The following PTPRJ variants were observed in gnomAD, a reference collection of about 807,000 sequenced individuals.
PTPRJ encodes protein tyrosine phosphatase receptor type J.
PTPRJ carries 129 observed loss-of-function variants against 141.3 expected under a neutral mutation model. That is an observed-to-expected ratio of 0.91 (90% confidence interval 0.79 to 1.06). PTPRJ has a LOEUF of 1.06. Ranked by LOEUF, PTPRJ falls within the 50% of genes least tolerant of loss-of-function variation. The pLI is 0.00. For missense variants in PTPRJ, 1,601 were observed against 1,679.7 expected, an observed-to-expected ratio of 0.95 and a Z score of 0.82; for synonymous variants, 610 against 640.5, an observed-to-expected ratio of 0.95 and a Z score of 0.72.
Position 48,089,921 on chromosome 11 carries a change from G to A in PTPRJ, c.97-20137G>A, listed in dbSNP as rs567218843. ...TTCATTTCCCCACCTGTAAAATGGG[G>A]GTAATTATCATATACCCCAAAGTGC... On this transcript the variant is annotated intron_variant, in intron 1 of 24. Transcript: ENST00000418331. Among the ~76,000 whole-genome samples the A allele has an allele frequency of 2.0e-5, 3 of 152,210 alleles. No individual in the cohort carries two copies. In the East Asian group the frequency reaches 5.8e-4, roughly 29 times the overall value.
At chr11:48,072,407 G>A (rs1388972597) in intron 1 of PTPRJ, among the ~76,000 whole-genome samples, 1 of 152,112 alleles carries the variant, frequency 6.6e-6, no homozygotes, top group Non-Finnish European at 1.5e-5. Flanking sequence ...AGTCCTAATG[G>A]CCTAATCAGC....
rs552504176 is a variant in PTPRJ at position 48,107,241 on chromosome 11, C to T, written c.97-2817C>T. 9.2e-5 allele frequency among the ~76,000 whole-genome samples: 14 copies of T among 151,430 alleles called. 2 individuals are homozygous for T. Among genetic ancestry groups the T allele is most frequent in the African/African-American group, 3.4e-4 (14 of 41,318 alleles). On this transcript the variant is annotated intron_variant, in intron 1 of 24. Coordinates refer to ENST00000418331, the MANE Select transcript of PTPRJ (RefSeq NM_002843.4). ...ACAGTTGGGACTGGCAGTGGTTTTT[C>T]CTGCTGGCAAGGAAAAAAAAAAAGA...
chr11:48,123,738 G>GAGTT lies in PTPRJ; in HGVS notation c.743_746dup (p.Thr250ValfsTer31). On this transcript the variant is annotated frameshift_variant, in exon 5 of 25. Coordinates refer to ENST00000418331, the MANE Select transcript of PTPRJ (RefSeq NM_002843.4). LOFTEE classifies it high-confidence loss of function. The stretch of plus-strand genomic sequence containing the variant: ...TCTTGAAAGCATTGGAAGCCATGAG[G>GAGTT]AGTTGACTCAAGACTCAAGACTTCA... 1 of 1,614,114 alleles carries GAGTT rather than the reference G, an allele frequency of 6.2e-7. No individual in the cohort carries two copies. Among genetic ancestry groups the GAGTT allele is most frequent in the Non-Finnish European group, 8.5e-7 (1 of 1,180,028 alleles).
At chr11:47,993,801 C>G (rs1854258399) in intron 1 of PTPRJ, among the ~76,000 whole-genome samples, 1 of 151,920 alleles carries the variant, frequency 6.6e-6, no homozygotes, top group African/African-American at 2.4e-5. Context: ...TCCTGATCCC[C>G]AGGTTAATTT....
At chr11:48,045,597 C>T (rs1854372739) in intron 1 of PTPRJ, among the ~76,000 whole-genome samples, 1 of 152,230 alleles carries the variant, frequency 6.6e-6, no homozygotes, top group Non-Finnish European at 1.5e-5. Flanking sequence ...TCCCTTTTCT[C>T]TGCCCGCCTG....
intron 23 of PTPRJ, 132 bp downstream of exon 23, chr11:48,163,750 C>A: frequency 9.1e-7 from 1 of 1,104,026 alleles, no homozygotes; most frequent in Non-Finnish European, 1.3e-6. Context: ...GATAAGGAAC[C>A]ATGGACTTAC....
chr11:47,999,665 T>C (rs1854436916), intron 1 of PTPRJ, among the ~76,000 whole-genome samples: 1 of 152,152 alleles, frequency 6.6e-6, no homozygotes, highest in African/African-American at 2.4e-5. Context: ...AAGCTCCTCA[T>C]GTGTTGTTAA....
chr11:47,988,638 G>GAT (rs749150144), intron 1 of PTPRJ, among the ~76,000 whole-genome samples: 2 of 152,076 alleles, frequency 1.3e-5, no homozygotes, highest in Non-Finnish European at 2.9e-5. Flanking sequence ...GTTTCTGGTG[G>GAT]ATATTTCTTG....
At chr11:48,015,715 G>A (rs1854931744) in intron 1 of PTPRJ, 1 of 151,976 alleles carries the variant, frequency 6.6e-6, no homozygotes, top group Admixed American at 6.6e-5. Context: ...GCCGAGTATG[G>A]TAGCGTGCAC....
At chr11:47,996,822 G>A (rs1268458847) in intron 1 of PTPRJ, among the ~76,000 whole-genome samples, 1 of 152,222 alleles carries the variant, frequency 6.6e-6, no homozygotes, top group African/African-American at 2.4e-5. Context: ...GGTGAGAAGA[G>A]AAATCGTTGG....
In PTPRJ at chr11:47,980,617, G is replaced by C. The variant is rs1009002045; in HGVS notation, c.-296G>C. 2.2e-5 allele frequency: 22 copies of C among 983,654 alleles called. No homozygotes were observed. In the Admixed American group the frequency reaches 4.4e-4, roughly 19 times the overall value. 60.9% of individuals were successfully genotyped at this position (983,654 alleles called of 1,614,324 possible). A position where few individuals can be genotyped will look rare whatever the true frequency, so the allele number is the denominator to read the frequency against. On this transcript the variant is annotated 5_prime_UTR_variant, in exon 1 of 25. Transcript: ENST00000418331. ...GGGAGCAGCCGCGGGAGCCGGGACC[G>C]GGTAGCCGCGCGCTGGGGGTGGGCG...
chr11:48,097,196 T>A (rs1856028188), intron 1 of PTPRJ, among the ~76,000 whole-genome samples: 1 of 151,576 alleles, frequency 6.6e-6, no homozygotes, highest in Non-Finnish European at 1.5e-5. Context: ...GGGAGGGGAG[T>A]TTATGCTCGT....
chr11:48,161,714 G>GT (rs1403541517), intron 22 of PTPRJ, among the ~76,000 whole-genome samples: 2 of 152,128 alleles, frequency 1.3e-5, no homozygotes, highest in African/African-American at 4.8e-5. Context: ...TCGGGTCCAA[G>GT]TGATTCTCCT....
chr11:48,074,714 C>G (rs1467565035), intron 1 of PTPRJ, among the ~76,000 whole-genome samples: 6 of 152,142 alleles, frequency 3.9e-5, no homozygotes, highest in African/African-American at 1.2e-4. Flanking sequence ...AACCTTAATC[C>G]TTAGGCCAGG....
chr11:48,047,296 A>AT (rs147715183), intron 1 of PTPRJ, among the ~76,000 whole-genome samples: 10,588 of 152,176 alleles, frequency 0.07, 1,176 homozygotes, highest in African/African-American at 0.24. Flanking sequence ...TCTTGAACAC[A>AT]TTTTTTAAAA....
At chr11:48,079,285 T>C (rs7396592) in intron 1 of PTPRJ, among the ~76,000 whole-genome samples, 106,370 of 151,844 alleles carry the variant, frequency 0.7, 37,774 homozygotes, top group East Asian at 0.81. Context: ...TAGAGGCGGA[T>C]GCAGTACGGG....
rs1359956091 is a variant in PTPRJ at position 48,142,956 on chromosome 11, T to C, written c.2481T>C (p.Ser827=). ...CAGATGGATCCCCTAATATTACATC[T>C]GTCAGTCACAATTCAGTAAAGGTCA... ...PPPDGSPNIT[S]VSHNSVKVKF... The change falls in exon 12 of 25, where the codon TCT becomes TCC. Residue 827 remains serine (S), a synonymous_variant. Transcript: ENST00000418331. 3.1e-6 allele frequency: 5 copies of C among 1,614,180 alleles called. No homozygotes were observed. The East Asian group carries it at 1.1e-4, about 36-fold the overall frequency.
Position 48,137,269 on chromosome 11 carries a change from T to A in PTPRJ, c.2140T>A (p.Ser714Thr), listed in dbSNP as rs1857127109. The change falls in exon 10 of 25, where the codon TCA (serine) becomes ACA (threonine). Residue 714 changes from serine (S) to threonine (T), a missense_variant. Transcript: ENST00000418331. ...GIKSLEPGRK[S>T]FCTDPASMAS... ...CAAGTCACTGGAACCTGGCCGGAAG[T>A]CATTCTGTACAGGTGAGTGTAGCCC... The A allele has an allele frequency of 1.9e-6, 3 of 1,613,998 alleles. No individual in the cohort carries two copies. Among genetic ancestry groups the A allele is most frequent in the African/African-American group, 2.7e-5 (2 of 75,024 alleles).
chr11:48,046,910 A>ATTTT (rs1281439545), intron 1 of PTPRJ, among the ~76,000 whole-genome samples: 4 of 87,090 alleles, frequency 4.6e-5, no homozygotes, highest in African/African-American at 2.3e-4. Flanking sequence ...ATATATATAT[A>ATTTT]TATTTTTTTT....
Sources: allele counts gnomAD v4.1 joint callset (sites outside exome capture counted in the v4.1 genomes callset), GRCh38; gene constraint gnomAD v4.1.1; transcripts MANE v1.5; gene names NCBI Gene and HGNC (gene_info 2026-07-23, HGNC 2026-07-21).